PKHD1: variants seen among roughly 807,000 people sequenced by gnomAD.
The protein encoded by PKHD1 is fibrocystin.
PKHD1 carries 291 observed loss-of-function variants against 412.0 expected under a neutral mutation model. That is an observed-to-expected ratio of 0.71 (90% CI 0.64 to 0.78). The LOEUF is 0.78. PKHD1 is among the 30% of genes least tolerant of loss of function. The pLI, the probability that PKHD1 is intolerant of heterozygous loss-of-function variation, is 0.00. For missense variants in PKHD1, 4,825 were observed against 4,950.7 expected, an observed-to-expected ratio of 0.97 and a Z score of 0.76; for synonymous variants, 1,777 against 1,821.5, an observed-to-expected ratio of 0.98 and a Z score of 0.62.
intron 61 of PKHD1, among the ~76,000 whole-genome samples, chr6:51,654,669 A>G (rs983640184): frequency 3.3e-5 from 5 of 152,114 alleles, no homozygotes; most frequent in Admixed American, 6.6e-5. Flanking sequence ...ATAGATTACA[A>G]TTAGCATCCT....
intron 57 of PKHD1, among the ~76,000 whole-genome samples, 180 bp from the exon 58 acceptor site, chr6:51,748,845 T>A (rs893521684): frequency 6.6e-6 from 1 of 152,174 alleles, no homozygotes; most frequent in African/African-American, 2.4e-5. Flanking sequence ...ATTACAAGTA[T>A]CACATTAATG....
At chr6:51,710,760 T>C (rs1285990216) in intron 60 of PKHD1, among the ~76,000 whole-genome samples, 1 of 152,236 alleles carries the variant, frequency 6.6e-6, no homozygotes, top group Admixed American at 6.5e-5. Flanking sequence ...GTAATGTTTT[T>C]ACTCATCACA....
rs1444872031 is a variant in PKHD1, at chr6:51,885,922, G to A, written c.7160C>T (p.Thr2387Ile). ...PKFQPPWDNVTGTTLFQSFTV... is the reference protein window; with the variant it reads ...PKFQPPWDNVIGTTLFQSFTV... ...GAAGCTCTGGAACAGAGTGGTGCCA[G>A]TGACATTATCCCAAGGTGGCTGAAA... Residue 2387 changes from threonine to isoleucine, a missense_variant, in exon 45 of 67, where the codon ACT becomes ATT. Coordinates refer to ENST00000371117, the MANE Select transcript of PKHD1 (RefSeq NM_138694.4). 1.2e-6 allele frequency: 2 copies of A among 1,613,532 alleles called. No homozygotes were observed. The highest frequency in any genetic ancestry group is 2.2e-5 in the South Asian group (2 of 91,044).
At chr6:51,787,545 A>G (rs750651771) in intron 53 of PKHD1, among the ~76,000 whole-genome samples, 6 of 152,144 alleles carry the variant, frequency 3.9e-5, no homozygotes, top group Non-Finnish European at 7.4e-5. Context: ...GGATGTGGTA[A>G]AATTGGACAG....
At chr6:52,027,383 T>C (rs1403589114) in intron 31 of PKHD1, among the ~76,000 whole-genome samples, 1 of 151,594 alleles carries the variant, frequency 6.6e-6, no homozygotes, top group Non-Finnish European at 1.5e-5. Flanking sequence ...AATAGAAAAA[T>C]TAGCCAGGCA....
intron 55 of PKHD1, among the ~76,000 whole-genome samples, chr6:51,765,822 G>T (rs1044363371): frequency 2.0e-5 from 3 of 151,998 alleles, no homozygotes; most frequent in African/African-American, 7.2e-5. Flanking sequence ...GTCTGACCTG[G>T]CACATAGTAA....
At chr6:51,670,512 CTG>C (rs1220323273) in intron 60 of PKHD1, among the ~76,000 whole-genome samples, 1 of 151,526 alleles carries the variant, frequency 6.6e-6, no homozygotes, top group Non-Finnish European at 1.5e-5. Context: ...GTTTGCCAGT[CTG>C]TGTCTTTTAA....
intron 60 of PKHD1, among the ~76,000 whole-genome samples, chr6:51,691,914 T>A (rs2150634251): frequency 6.6e-6 from 1 of 152,268 alleles, no homozygotes; most frequent in Non-Finnish European, 1.5e-5. Context: ...TACTACCCAA[T>A]CTAATGGCAA....
chr6:51,921,047 A>C (rs1784613794), intron 37 of PKHD1, among the ~76,000 whole-genome samples: 1 of 151,728 alleles, frequency 6.6e-6, no homozygotes, highest in Non-Finnish European at 1.5e-5. Context: ...TGGTCTATCA[A>C]TTTTGTTAAT....
At chr6:52,022,992 T>G (rs761790020) in intron 32 of PKHD1, 48 bp from the exon 33 acceptor site, 1 of 1,608,788 alleles carries the variant, frequency 6.2e-7, no homozygotes, top group Non-Finnish European at 8.5e-7. Flanking sequence ...CAAATCTCCC[T>G]TCTTTACTCA....
chr6:51,799,050 A>T (rs1008897330), intron 52 of PKHD1, among the ~76,000 whole-genome samples: 7 of 152,176 alleles, frequency 4.6e-5, no homozygotes, highest in African/African-American at 1.7e-4. Flanking sequence ...AATCACAGAC[A>T]GACTATTATA....
At chr6:52,071,172 G>A (rs1217290975) in intron 8 of PKHD1, 102 bp from the exon 9 acceptor site, 1 of 817,768 alleles carries the variant, frequency 1.2e-6, no homozygotes, top group Non-Finnish European at 2.2e-6. Flanking sequence ...AACCAAATTT[G>A]CTAGAGAAAA....
At chr6:51,991,329 T>C (rs1797016485) in intron 35 of PKHD1, among the ~76,000 whole-genome samples, 1 of 152,208 alleles carries the variant, frequency 6.6e-6, no homozygotes, top group African/African-American at 2.4e-5. Flanking sequence ...CTCTAATTTT[T>C]AATACAAACC....
intron 3 of PKHD1, 135 bp from the exon 4 acceptor site, chr6:52,082,677 C>T: frequency 1.3e-6 from 1 of 793,428 alleles, no homozygotes; most frequent in South Asian, 1.5e-5. Flanking sequence ...TCCTCATTTC[C>T]TCATAGATGC....
In PKHD1 at chr6:51,648,068, T is replaced by C. The variant is rs779333397; in HGVS notation, c.11361A>G (p.Ser3787=). 1 of 1,609,330 alleles carries C rather than the reference T, an allele frequency of 6.2e-7. No homozygotes were observed. The highest frequency in any genetic ancestry group is 1.7e-5 in the Admixed American group (1 of 60,014). ...LGPPSEPWTI[S]ASLEGASDSV... ...AGTCTGATGCTCCTTCCAGGGAAGC[T>C]GAAATTGTCCATGGCTCTGAAGGAG... The change falls in exon 63 of 67, where the codon TCA becomes TCG. Residue 3787 remains serine (S), a synonymous_variant. Transcript: ENST00000371117.
chr6:51,806,915 C>A (rs1763867110), intron 52 of PKHD1, among the ~76,000 whole-genome samples: 1 of 151,930 alleles, frequency 6.6e-6, no homozygotes, highest in African/African-American at 2.4e-5. Context: ...TTTGTTACAA[C>A]AGGAGGAAAG....
chr6:51,740,648 C>T (rs182855416), intron 60 of PKHD1, among the ~76,000 whole-genome samples: 1 of 152,186 alleles, frequency 6.6e-6, no homozygotes, highest in East Asian at 1.9e-4. Flanking sequence ...TAAATCTGTG[C>T]TTTTTTCATC....
At chr6:51,916,926 T>C (rs1783891897) in intron 37 of PKHD1, among the ~76,000 whole-genome samples, 1 of 152,130 alleles carries the variant, frequency 6.6e-6, no homozygotes, top group African/African-American at 2.4e-5. Flanking sequence ...CACTAATGAC[T>C]TCTACTCATA....
At chr6:51,853,493 C>A (rs571858265) in intron 49 of PKHD1, among the ~76,000 whole-genome samples, 2 of 152,282 alleles carry the variant, frequency 1.3e-5, no homozygotes, top group African/African-American at 4.8e-5. Flanking sequence ...GGGAACTTCT[C>A]CTGAATAATA....
Sources: allele counts gnomAD v4.1 joint callset (sites outside exome capture counted in the v4.1 genomes callset), GRCh38; gene constraint gnomAD v4.1.1; transcripts MANE v1.5; gene names NCBI Gene and HGNC (gene_info 2026-07-23, HGNC 2026-07-21).